Variants in STAT3 observed in about 807,000 individuals in gnomAD.
STAT3 encodes signal transducer and activator of transcription 3, also known as DNA-binding protein APRF.
Under a neutral mutation model 114.3 loss-of-function variants are expected in STAT3, and 7 were observed. That is an observed-to-expected ratio of 0.06 (90% confidence interval 0.03 to 0.11). The LOEUF (loss-of-function observed/expected upper bound fraction) is 0.11, where lower values mean the gene tolerates loss of function less well. Ranked by LOEUF, STAT3 falls within the 10% of genes least tolerant of loss-of-function variation. The pLI is 1.00. For synonymous variants in STAT3, 331 were observed against 354.5 expected (o/e 0.93, Z 0.74); for missense variants, 364 against 960.9 (o/e 0.38, Z 8.21).
At chr17:42,380,092 C>T (rs2084691224) in intron 1 of STAT3, among the ~76,000 whole-genome samples, 2 of 151,376 alleles carry the variant, frequency 1.3e-5, no homozygotes, top group Non-Finnish European at 3.0e-5. Flanking sequence ...TGGAGTGCAG[C>T]GGCGCGATCT....
intron 23 of STAT3, 187 bp from the exon 24 acceptor site, chr17:42,315,987 G>C: frequency 6.8e-7 from 1 of 1,463,704 alleles, no homozygotes; most frequent in Non-Finnish European, 9.0e-7. Flanking sequence ...CCTCGGGAAG[G>C]GTCCTTTCTC....
chr17:42,384,917 A>G (rs1308745212), intron 1 of STAT3, among the ~76,000 whole-genome samples: 1 of 152,138 alleles, frequency 6.6e-6, no homozygotes, highest in Non-Finnish European at 1.5e-5. Flanking sequence ...TGGCAAAAAG[A>G]CTTTCTAGAC....
At chr17:42,348,086 A>G (rs991100568) in intron 2 of STAT3, among the ~76,000 whole-genome samples, 2 of 152,212 alleles carry the variant, frequency 1.3e-5, no homozygotes, top group Non-Finnish European at 2.9e-5. Flanking sequence ...TGTCTACCAC[A>G]TCACTGGATT....
In STAT3 at chr17:42,371,510, T is replaced by TA. The variant is rs768004002; in HGVS notation, c.-24+16768dup. Among the ~76,000 whole-genome samples, 671 of 129,882 alleles carry TA rather than the reference T, an allele frequency of 5.2e-3. 2 individuals are homozygous for TA. Among genetic ancestry groups the TA allele is most frequent in the African/African-American group, 0.015 (513 of 34,842 alleles). The allele number at this position is 129,882 out of a possible 152,430, so 85.2% of individuals were successfully genotyped here. On this transcript the variant is annotated intron_variant, in intron 1 of 23. Transcript: ENST00000264657. ...AACATGGAGAAACCTCGTCTCTAAT[T>TA]AAAAAAAAAAAAAAAATTAGCCAGG...
At chr17:42,355,277 C>T (rs904366266) in intron 1 of STAT3, among the ~76,000 whole-genome samples, 14 of 152,128 alleles carry the variant, frequency 9.2e-5, no homozygotes, top group African/African-American at 3.4e-4. Context: ...TAGAATTGGG[C>T]AACACTTCAT....
Position 42,324,736 on chromosome 17 carries a change from C to G in STAT3, c.1575G>C (p.Leu525=). Residue 525 remains leucine, a synonymous_variant, in exon 17 of 24, where the codon CTG becomes CTC. Transcript: ENST00000264657. The surrounding 1 kb of genome is among the most constrained non-coding windows in gnomAD (Gnocchi z 4.5). ...TTKRGLSIEQ[L]TTLAEKLLGP... ...CCAAGAGTTTCTCTGCCAGTGTAGTCAGCTGCTCGATGCTCAGTCCTCGCT... is the reference window on the plus strand; with the variant it reads ...CCAAGAGTTTCTCTGCCAGTGTAGTGAGCTGCTCGATGCTCAGTCCTCGCT... 2 of 1,614,090 alleles carry G rather than the reference C, an allele frequency of 1.2e-6. No homozygotes were observed. The highest frequency in any genetic ancestry group is 1.7e-6 in the Non-Finnish European group (2 of 1,179,990).
chr17:42,351,757 C>T (rs1005113969), intron 1 of STAT3, among the ~76,000 whole-genome samples: 3 of 151,756 alleles, frequency 2.0e-5, no homozygotes, highest in African/African-American at 7.3e-5. Flanking sequence ...CTAAATATTC[C>T]AACAATGTTA....
intron 8 of STAT3, among the ~76,000 whole-genome samples, chr17:42,334,505 C>CA (rs1265576980): frequency 7.0e-6 from 1 of 141,848 alleles, no homozygotes; most frequent in Non-Finnish European, 1.5e-5. Context: ...AGTGCAGTGG[C>CA]ACAGTCTCAG....
At chr17:42,352,157 A>C (rs769728519) in intron 1 of STAT3, among the ~76,000 whole-genome samples, 3 of 152,044 alleles carry the variant, frequency 2.0e-5, no homozygotes, top group Non-Finnish European at 4.4e-5. Context: ...TGGCCAACAT[A>C]GTGAAACCCC....
chr17:42,325,581 T>G (rs2081671546), intron 15 of STAT3, among the ~76,000 whole-genome samples: 3 of 151,490 alleles, frequency 2.0e-5, no homozygotes, highest in Non-Finnish European at 2.9e-5. Flanking sequence ...TTTTTTTTTT[T>G]TGAGACGGAG....
At chr17:42,316,436 C>T in intron 23 of STAT3, 1 of 398,912 alleles carries the variant, frequency 2.5e-6, no homozygotes, top group Non-Finnish European at 4.8e-6. Context: ...TCAGACTGGT[C>T]TCGAACTCCT....
At chr17:42,382,992 C>T (rs910475237) in intron 1 of STAT3, among the ~76,000 whole-genome samples, 2 of 151,996 alleles carry the variant, frequency 1.3e-5, no homozygotes, top group Non-Finnish European at 2.9e-5. Context: ...CTGACCATAA[C>T]AGAAATTCAT....
intron 23 of STAT3, 67 bp downstream of exon 23, chr17:42,316,722 G>T (rs1265909331): frequency 1.9e-6 from 3 of 1,606,554 alleles, no homozygotes; most frequent in Non-Finnish European, 1.7e-6. Context: ...GTGTGTACAT[G>T]TGAGAGCATC....
chr17:42,331,361 A>G, intron 11 of STAT3, 111 bp downstream of exon 11: 2 of 1,053,986 alleles, frequency 1.9e-6, no homozygotes, highest in South Asian at 2.9e-5. Flanking sequence ...TTTTGTCCAC[A>G]AAATGAAGAT....
chr17:42,362,112 G>T (rs2083539857), intron 1 of STAT3, among the ~76,000 whole-genome samples: 1 of 152,196 alleles, frequency 6.6e-6, no homozygotes, highest in African/African-American at 2.4e-5. Flanking sequence ...GTCATGGCAG[G>T]AGTGCCAACA....
intron 1 of STAT3, among the ~76,000 whole-genome samples, chr17:42,369,897 G>A (rs909120155): frequency 1.3e-5 from 2 of 152,034 alleles, no homozygotes; most frequent in Admixed American, 6.6e-5. Flanking sequence ...GGACTCAAGC[G>A]ATCCTCCTGC....
At position 42,333,852 on chromosome 17, in the gene STAT3, T is replaced by A. The variant is rs762659258; in HGVS notation, c.956+39A>T. The A allele has an allele frequency of 5.6e-6, 9 of 1,614,022 alleles. No homozygotes were observed. The East Asian group carries it at 8.9e-5, about 16-fold the overall frequency. The stretch of plus-strand genomic sequence containing the variant: ...ACTCTACCACGTGAGTCTTTAGGTA[T>A]TTTTTAGATGAGGGAAAGGGACAAG... On this transcript the variant is annotated intron_variant, in intron 9 of 23. Transcript: ENST00000264657. This position sits in a 1 kb window ranked among gnomAD's most constrained non-coding sequence, Gnocchi z 5.2.
Position 42,348,627 on chromosome 17 carries a change from G to A in STAT3, c.-23-88C>T, listed in dbSNP as rs1419790358. On this transcript the variant is annotated intron_variant, in intron 1 of 23. Coordinates refer to ENST00000264657, the MANE Select transcript of STAT3 (RefSeq NM_139276.3). ...AGCCATTGCCCAACACAGGTGTCAG[G>A]TCTGTGACTAGGGATAAAGATGCTC... 5.4e-6 allele frequency: 8 copies of A among 1,472,268 alleles called. No individual in the cohort carries two copies. In the African/African-American group the frequency reaches 8.3e-5, roughly 15 times the overall value. 91.2% of individuals were successfully genotyped at this position (1,472,268 alleles called of 1,614,324 possible).
chr17:42,363,507 G>C (rs112125384), intron 1 of STAT3, among the ~76,000 whole-genome samples: 4,379 of 151,976 alleles, frequency 0.029, 99 homozygotes, highest in African/African-American at 0.059. Flanking sequence ...GCAATAATAC[G>C]ATCACAGCTC....
Sources: gnomAD v4.1 joint callset for allele counts (sites outside exome capture counted in the v4.1 genomes callset) on GRCh38, gnomAD v4.1.1 for gene constraint, Gnocchi (gnomAD v3.1) non-coding constraint, MANE v1.5 for transcripts, NCBI Gene and HGNC (gene_info 2026-07-23, HGNC 2026-07-21) for gene names.